TTLL5: variants seen among roughly 807,000 people sequenced by gnomAD.
TTLL5 encodes tubulin polyglutamylase TTLL5.
In TTLL5, 132 loss-of-function variants were observed where a neutral mutation model predicts 168.4. The observed-to-expected ratio is 0.78, with a 90% CI of 0.68 to 0.91. The LOEUF (loss-of-function observed/expected upper bound fraction) is 0.91, where lower values mean the gene tolerates loss of function less well. Ranked by LOEUF, TTLL5 falls within the 40% of genes least tolerant of loss-of-function variation. The pLI is 0.00. For missense variants in TTLL5, 1,545 were observed against 1,581.5 expected (o/e 0.98, Z 0.39); for synonymous variants, 546 against 558.6 (o/e 0.98, Z 0.32).
At chr14:75,837,611 C>G (rs1311757468) in intron 28 of TTLL5, among the ~76,000 whole-genome samples, 1 of 152,074 alleles carries the variant, frequency 6.6e-6, no homozygotes, top group Non-Finnish European at 1.5e-5. Flanking sequence ...CTTCCCTCCC[C>G]CCAACGCCTG....
In TTLL5 at chr14:75,801,455, T is replaced by C. The variant is rs1458936383; in HGVS notation, c.3171+8355T>C. ...TCCATCACCTCAAGCATTTATCCTT[T>C]CTTTGTATTACAGACAATCCAGTTA... On this transcript the variant is annotated intron_variant, in intron 27 of 31. Coordinates refer to ENST00000298832, the MANE Select transcript of TTLL5 (RefSeq NM_015072.5). Among the ~76,000 whole-genome samples the C allele has an allele frequency of 2.6e-5, 4 of 152,322 alleles. No homozygotes were observed. The East Asian group carries it at 7.7e-4, about 29-fold the overall frequency.
At chr14:75,883,031 G>T (rs2031901299) in intron 30 of TTLL5, 129 bp downstream of exon 30, 1 of 1,045,630 alleles carries the variant, frequency 9.6e-7, no homozygotes, top group Non-Finnish European at 1.4e-6. Flanking sequence ...GGGAAATAAA[G>T]GCTAACCCTA....
chr14:75,776,984 C>T (rs1891755320), intron 23 of TTLL5, 134 bp downstream of exon 23: 5 of 688,022 alleles, frequency 7.3e-6, no homozygotes, highest in Non-Finnish European at 1.2e-5. Context: ...CAGTGGCACA[C>T]CCCTTTAGTT....
At chr14:75,832,495 G>A (rs1323199083) in intron 28 of TTLL5, among the ~76,000 whole-genome samples, 1 of 152,208 alleles carries the variant, frequency 6.6e-6, no homozygotes, top group African/African-American at 2.4e-5. Context: ...GAAGACCTAG[G>A]TGCCAGCCAC....
rs1396048668 is a variant in TTLL5 at position 75,663,103 on chromosome 14, G to T, written c.-47G>T. 1 of 1,578,410 alleles carries T rather than the reference G, an allele frequency of 6.3e-7. No homozygotes were observed. Among genetic ancestry groups the T allele is most frequent in the South Asian group, 1.1e-5 (1 of 88,442 alleles). ...TGATCCAGTGAATCTGCTAGGAAAG[G>T]TCTCTGAGGCCCCCGTCTGCTGACT... On this transcript the variant is annotated 5_prime_UTR_variant, in exon 2 of 32. Transcript: ENST00000298832.
chr14:75,881,100 G>A (rs537538093), intron 29 of TTLL5, among the ~76,000 whole-genome samples: 105 of 152,258 alleles, frequency 6.9e-4, no homozygotes, highest in Admixed American at 2.8e-3. Context: ...TTTTTGTAAA[G>A]ACAGAGTTTT....
chr14:75,804,853 G>C (rs1893556836), intron 27 of TTLL5, among the ~76,000 whole-genome samples: 1 of 152,040 alleles, frequency 6.6e-6, no homozygotes, highest in Non-Finnish European at 1.5e-5. Flanking sequence ...TCCAGGACCT[G>C]GCTCCAGTTG....
At chr14:75,914,834 A>G (rs959764561) in intron 31 of TTLL5, among the ~76,000 whole-genome samples, 6 of 152,178 alleles carry the variant, frequency 3.9e-5, no homozygotes, top group Non-Finnish European at 8.8e-5. Context: ...TGTGTTAGCC[A>G]GGATGGTCTC....
intron 20 of TTLL5, among the ~76,000 whole-genome samples, chr14:75,767,163 TAAAAA>T (rs11301063): frequency 7.1e-6 from 1 of 140,568 alleles, no homozygotes; most frequent in Non-Finnish European, 1.5e-5. Context: ...AACTCCATCT[TAAAAA>T]AAAAAAAAAA....
At chr14:75,831,679 A>G (rs1895575003) in intron 28 of TTLL5, among the ~76,000 whole-genome samples, 1 of 152,204 alleles carries the variant, frequency 6.6e-6, no homozygotes, top group Non-Finnish European at 1.5e-5. Flanking sequence ...ATGGCTTTTC[A>G]GAGACGCCAA....
chr14:75,665,669 G>A (rs1313681462), intron 2 of TTLL5, among the ~76,000 whole-genome samples: 1 of 152,174 alleles, frequency 6.6e-6, no homozygotes, highest in Non-Finnish European at 1.5e-5. Flanking sequence ...GACCAGCCTG[G>A]CCAATATGGT....
At position 75,869,013 on chromosome 14, in the gene TTLL5, AGTGTGTGTGTGTGT is replaced by A. The variant is rs3138589; in HGVS notation, c.3522+5188_3522+5201del. 4.6e-3 allele frequency among the ~76,000 whole-genome samples: 575 copies of A among 124,514 alleles called. 5 individuals are homozygous for A. The highest frequency in any genetic ancestry group is 0.014 in the African/African-American group (464 of 32,730). The allele number at this position is 124,514 out of a possible 152,430, so 81.7% of individuals were successfully genotyped here. ...TGGACTGGGGACATGAGAGGGGAGG[AGTGTGTGTGTGTGT>A]GTGTGTGTGTGTGTGTGTGTGTGTG... On this transcript the variant is annotated intron_variant, in intron 29 of 31. Coordinates refer to ENST00000298832, the MANE Select transcript of TTLL5 (RefSeq NM_015072.5).
intron 28 of TTLL5, among the ~76,000 whole-genome samples, chr14:75,855,904 G>A (rs893198550): frequency 6.6e-6 from 1 of 152,180 alleles, no homozygotes; most frequent in Non-Finnish European, 1.5e-5. Flanking sequence ...ATTATTTAAT[G>A]TAGGAAGAAA....
At chr14:75,801,995 A>G (rs1325501804) in intron 27 of TTLL5, among the ~76,000 whole-genome samples, 5 of 152,144 alleles carry the variant, frequency 3.3e-5, no homozygotes, top group East Asian at 3.8e-4. Context: ...TCCAGTAATC[A>G]CTTTAAATGT....
chr14:75,737,756 T>C lies in TTLL5; in HGVS notation c.1281+2467T>C, dbSNP rs868676410. On this transcript the variant is annotated intron_variant, in intron 15 of 31. Transcript: ENST00000298832. ...AACAAAGTGAATGAAAATGAATGCA[T>C]AGAAGTCTTTTTGGTTATAGGATAT... 6.3e-6 allele frequency: 5 copies of C among 799,100 alleles called. No homozygotes were observed. In the Middle Eastern group the frequency reaches 1.1e-3, roughly 176 times the overall value. The allele number at this position is 799,100 out of a possible 1,614,324, so 49.5% of individuals were successfully genotyped here.
chr14:75,783,882 C>G (rs1050348077), intron 26 of TTLL5, among the ~76,000 whole-genome samples: 1 of 152,152 alleles, frequency 6.6e-6, no homozygotes, highest in Admixed American at 6.5e-5. Flanking sequence ...TTCCCAACAT[C>G]AGACAAGTTA....
intron 27 of TTLL5, among the ~76,000 whole-genome samples, chr14:75,814,221 A>G (rs1160783603): frequency 6.6e-6 from 1 of 152,262 alleles, no homozygotes; most frequent in Non-Finnish European, 1.5e-5. Flanking sequence ...ACTACTAACA[A>G]AAATGGTGAG....
intron 31 of TTLL5, among the ~76,000 whole-genome samples, chr14:75,923,281 A>C (rs2033893497): frequency 6.6e-6 from 1 of 151,948 alleles, no homozygotes; most frequent in African/African-American, 2.4e-5. Context: ...TTGCTTCTCT[A>C]GTTCTTTCCA....
rs148520695 is a variant in TTLL5, at chr14:75,682,941, A to C, written c.265-609A>C. Among the ~76,000 whole-genome samples the C allele has an allele frequency of 4.0e-3, 615 of 152,054 alleles. 4 individuals are homozygous for C. The highest frequency in any genetic ancestry group is 0.011 in the East Asian group (57 of 5,150). On this transcript the variant is annotated intron_variant, in intron 4 of 31. Coordinates refer to ENST00000298832, the MANE Select transcript of TTLL5 (RefSeq NM_015072.5). ...GGCACCACTCCTGGCTAATTAAAAA[A>C]AAAATTTTTTTTATAGAGACAGGGT...
Sources: allele counts gnomAD v4.1 joint callset (sites outside exome capture counted in the v4.1 genomes callset), GRCh38; gene constraint gnomAD v4.1.1; transcripts MANE v1.5; gene names NCBI Gene and HGNC (gene_info 2026-07-23, HGNC 2026-07-21).